The following BMPER variants were observed in gnomAD, a reference collection of about 807,000 sequenced individuals.
BMPER encodes the protein BMP-binding endothelial regulator protein.
Under a neutral mutation model 87.3 loss-of-function variants are expected in BMPER, and 45 were observed. That is an observed-to-expected ratio of 0.52 (90% CI 0.41 to 0.66). The LOEUF (loss-of-function observed/expected upper bound fraction) is 0.66, where lower values mean the gene tolerates loss of function less well. Among genes scored for constraint, BMPER ranks in the 30% least tolerant of loss-of-function variants. The pLI is 0.00. For synonymous variants in BMPER, 326 were observed against 316.2 expected, an observed-to-expected ratio of 1.03 and a Z score of -0.33; for missense variants, 784 against 867.5, an observed-to-expected ratio of 0.90 and a Z score of 1.21.
chr7:34,062,185 C>T, intron 11 of BMPER, 138 bp downstream of exon 11: 1 of 745,906 alleles, frequency 1.3e-6, no homozygotes, highest in Non-Finnish European at 2.2e-6. Context: ...CACCTCCCTA[C>T]AGTCACTTTA....
chr7:34,036,535 G>C (rs1020603368), intron 6 of BMPER, among the ~76,000 whole-genome samples: 2 of 152,140 alleles, frequency 1.3e-5, no homozygotes, highest in Non-Finnish European at 2.9e-5. Context: ...GAAGGGGAAA[G>C]ACCTTGCTGG....
rs1466379111 is a variant in BMPER, at chr7:34,155,525, C to G, written c.*2252C>G. On this transcript the variant is annotated 3_prime_UTR_variant, in exon 15 of 15. Transcript: ENST00000649409. ...GTTGATTACAAGTTTGTGTGGCATT[C>G]CTTTAGCTGGGGATTAGCTTAATCT... 6.6e-6 allele frequency: 1 copy of G among 152,144 alleles called. No individual in the cohort carries two copies. The highest frequency in any genetic ancestry group is 1.9e-4 in the East Asian group (1 of 5,180). 9.4% of individuals were successfully genotyped at this position (152,144 alleles called of 1,614,324 possible). A position where few individuals can be genotyped will look rare whatever the true frequency, so the allele number is the denominator to read the frequency against.
rs1789180301 is a variant in BMPER at position 34,085,702 on chromosome 7, A to G, written c.1409-54A>G. On this transcript the variant is annotated intron_variant, in intron 12 of 14. Transcript: ENST00000649409. The stretch of plus-strand genomic sequence containing the variant: ...TGTGTAAGGATGTATACATTTGGGA[A>G]TTATTAGTGCGTTAATGAGTGATTG... 2.7e-6 allele frequency: 4 copies of G among 1,475,726 alleles called. No individual in the cohort carries two copies. The South Asian group carries it at 3.5e-5, about 13-fold the overall frequency. The allele number at this position is 1,475,726 out of a possible 1,614,324, so 91.4% of individuals were successfully genotyped here.
chr7:34,019,118 G>A (rs1787113800), intron 6 of BMPER, among the ~76,000 whole-genome samples: 1 of 152,004 alleles, frequency 6.6e-6, no homozygotes, highest in African/African-American at 2.4e-5. Context: ...TGGGGAATGA[G>A]CATCTTGCTT....
At chr7:33,982,175 A>G (rs1425868705) in intron 6 of BMPER, among the ~76,000 whole-genome samples, 1 of 152,152 alleles carries the variant, frequency 6.6e-6, no homozygotes, top group Admixed American at 6.6e-5. Flanking sequence ...CTCCTTTGAC[A>G]TGGGGACTTG....
At chr7:34,072,042 GAT>G (rs1788748533) in intron 11 of BMPER, among the ~76,000 whole-genome samples, 1 of 152,154 alleles carries the variant, frequency 6.6e-6, no homozygotes, top group Admixed American at 6.5e-5. Context: ...TCTTGGGTTG[GAT>G]TCCGTCTTAC....
At chr7:34,030,810 C>T (rs891952169) in intron 6 of BMPER, among the ~76,000 whole-genome samples, 2 of 151,942 alleles carry the variant, frequency 1.3e-5, no homozygotes, top group African/African-American at 4.8e-5. Flanking sequence ...CGCTATGTTG[C>T]CCAGCTGGTA....
rs185084343 is a variant in BMPER at position 33,905,784 on chromosome 7, G to A, written c.133+38G>A. On this transcript the variant is annotated intron_variant, in intron 1 of 14. Coordinates refer to ENST00000649409, the MANE Select transcript of BMPER (RefSeq NM_001365308.1). ...GCGGGAGGGACCGGCCCTCCGGGAC[G>A]CCGGTTTGGTACCTGGGAAAGGTGG... 1.9e-6 allele frequency: 3 copies of A among 1,559,842 alleles called. 1 individual carries two copies. In the South Asian group the frequency reaches 3.3e-5, roughly 17 times the overall value.
chr7:33,979,097 C>G (rs2127915186), intron 6 of BMPER, among the ~76,000 whole-genome samples: 1 of 152,124 alleles, frequency 6.6e-6, no homozygotes, highest in African/African-American at 2.4e-5. Flanking sequence ...GCATAAGTGT[C>G]CATATATATG....
chr7:34,086,952 T>A (rs1789229261), intron 13 of BMPER, among the ~76,000 whole-genome samples: 1 of 152,170 alleles, frequency 6.6e-6, no homozygotes, highest in Admixed American at 6.5e-5. Flanking sequence ...TTTAAGTGAT[T>A]TGCCTGTGCC....
intron 6 of BMPER, among the ~76,000 whole-genome samples, chr7:34,012,807 A>G (rs1291237102): frequency 6.6e-6 from 1 of 152,022 alleles, no homozygotes; most frequent in Non-Finnish European, 1.5e-5. Context: ...AAATATATCA[A>G]TTATAACCAT....
intron 11 of BMPER, among the ~76,000 whole-genome samples, chr7:34,065,496 C>T (rs193037982): frequency 6.6e-6 from 1 of 152,122 alleles, no homozygotes; most frequent in Non-Finnish European, 1.5e-5. Context: ...CACAGGCATT[C>T]CAAATAGAGG....
At chr7:33,935,095 C>T (rs1056434845) in intron 2 of BMPER, among the ~76,000 whole-genome samples, 1 of 152,144 alleles carries the variant, frequency 6.6e-6, no homozygotes, top group Non-Finnish European at 1.5e-5. Flanking sequence ...GTGACCATAA[C>T]AATGTATGAC....
At chr7:34,006,267 C>T (rs1786732375) in intron 6 of BMPER, among the ~76,000 whole-genome samples, 1 of 151,968 alleles carries the variant, frequency 6.6e-6, no homozygotes, top group East Asian at 1.9e-4. Context: ...ATGCTAATTT[C>T]ACTTTAAAAG....
At chr7:34,148,531 A>T (rs777688566) in intron 14 of BMPER, among the ~76,000 whole-genome samples, 2 of 32,268 alleles carry the variant, frequency 6.2e-5, no homozygotes, top group Non-Finnish European at 8.5e-5. Flanking sequence ...GATACTCAGC[A>T]GATGTTTATT....
intron 13 of BMPER, among the ~76,000 whole-genome samples, chr7:34,131,436 C>T (rs1266331499): frequency 3.9e-5 from 6 of 152,176 alleles, no homozygotes. Context: ...ACCACTGTAC[C>T]GCATCCTCCA....
At chr7:34,023,828 A>G (rs149830087) in intron 6 of BMPER, among the ~76,000 whole-genome samples, 41 of 152,128 alleles carry the variant, frequency 2.7e-4, no homozygotes, top group African/African-American at 9.9e-4. Context: ...GTTTTGGCCC[A>G]TTTTATTAAG....
chr7:33,951,728 C>T (rs962023151), intron 3 of BMPER, among the ~76,000 whole-genome samples: 1 of 152,162 alleles, frequency 6.6e-6, no homozygotes, highest in Non-Finnish European at 1.5e-5. Flanking sequence ...AAAATTGGAA[C>T]TAAGTTTCAA....
chr7:34,038,182 C>T (rs1050672920), intron 6 of BMPER, among the ~76,000 whole-genome samples: 44 of 152,078 alleles, frequency 2.9e-4, no homozygotes, highest in African/African-American at 1.0e-3. Flanking sequence ...GGAGAGGTGA[C>T]CCTGGATTCT....
Sources: allele counts gnomAD v4.1 joint callset (sites outside exome capture counted in the v4.1 genomes callset), GRCh38; gene constraint gnomAD v4.1.1; transcripts MANE v1.5; gene names NCBI Gene and HGNC (gene_info 2026-07-23, HGNC 2026-07-21).